PRKCA: variants seen among roughly 807,000 people sequenced by gnomAD.
PRKCA encodes the protein protein kinase C alpha type.
In PRKCA, 27 loss-of-function variants were observed where a neutral mutation model predicts 87.0. The observed-to-expected ratio is 0.31, with a 90% confidence interval of 0.23 to 0.43. The LOEUF is 0.43. Among genes scored for constraint, PRKCA ranks in the 20% least tolerant of loss-of-function variants. PRKCA has a pLI of 1.00. For missense variants in PRKCA, 518 were observed against 852.3 expected (o/e 0.61, Z 4.88); for synonymous variants, 329 against 311.1 (o/e 1.06, Z -0.61).
chr17:66,697,089 C>T (rs1454127580), intron 8 of PRKCA, among the ~76,000 whole-genome samples: 1 of 152,194 alleles, frequency 6.6e-6, no homozygotes, highest in African/African-American at 2.4e-5. Flanking sequence ...GTCGAGAAAG[C>T]CTTGGAAATT....
chr17:66,455,529 A>T (rs568419944), intron 2 of PRKCA, among the ~76,000 whole-genome samples: 1 of 152,370 alleles, frequency 6.6e-6, no homozygotes, highest in East Asian at 1.9e-4. Context: ...TCTAAGGATT[A>T]TCTTCATCTC....
intron 3 of PRKCA, among the ~76,000 whole-genome samples, chr17:66,607,589 A>G (rs1056303268): frequency 6.6e-6 from 1 of 152,202 alleles, no homozygotes; most frequent in African/African-American, 2.4e-5. Flanking sequence ...CAAACTAAGA[A>G]AGTTAATTTT....
intron 3 of PRKCA, among the ~76,000 whole-genome samples, chr17:66,534,730 A>G (rs1433754105): frequency 1.3e-5 from 2 of 152,144 alleles, no homozygotes; most frequent in Non-Finnish European, 2.9e-5. Context: ...AATGTATTTG[A>G]GTAATAAACT....
intron 2 of PRKCA, among the ~76,000 whole-genome samples, chr17:66,413,532 C>T (rs905953927): frequency 6.6e-6 from 1 of 152,172 alleles, no homozygotes; most frequent in Non-Finnish European, 1.5e-5. Context: ...AGATGATTTT[C>T]CTGGCAACCA....
At chr17:66,800,453 G>A (rs181507099) in intron 16 of PRKCA, among the ~76,000 whole-genome samples, 93 of 152,308 alleles carry the variant, frequency 6.1e-4, no homozygotes, top group African/African-American at 2.1e-3. Context: ...TTAGCTTTTT[G>A]AGCAGTGGGC....
intron 16 of PRKCA, among the ~76,000 whole-genome samples, chr17:66,790,618 C>A (rs1450984199): frequency 6.6e-6 from 1 of 152,126 alleles, no homozygotes; most frequent in South Asian, 2.1e-4. Context: ...AGCTTAGTTT[C>A]TTTATAGGAA....
At chr17:66,351,602 G>A (rs908944115) in intron 2 of PRKCA, among the ~76,000 whole-genome samples, 1 of 152,212 alleles carries the variant, frequency 6.6e-6, no homozygotes, top group African/African-American at 2.4e-5. Context: ...AGTATGTGCT[G>A]CTAAAGAAAT....
intron 2 of PRKCA, among the ~76,000 whole-genome samples, chr17:66,491,493 T>C (rs1326976635): frequency 6.6e-6 from 1 of 152,224 alleles, no homozygotes; most frequent in Non-Finnish European, 1.5e-5. Flanking sequence ...GCCTTCCTTC[T>C]ACCAAGGTCA....
intron 2 of PRKCA, among the ~76,000 whole-genome samples, chr17:66,432,311 G>A (rs1043154419): frequency 4.6e-5 from 7 of 152,136 alleles, no homozygotes; most frequent in Non-Finnish European, 7.4e-5. Flanking sequence ...TCAGAAGCCC[G>A]TGTACTGGTT....
chr17:66,766,024 C>A (rs72838622), intron 13 of PRKCA, among the ~76,000 whole-genome samples: 9 of 152,270 alleles, frequency 5.9e-5, no homozygotes, highest in Admixed American at 2.6e-4. Context: ...GATTCTAAAC[C>A]CCATCCTATT....
intron 2 of PRKCA, among the ~76,000 whole-genome samples, chr17:66,312,463 A>G (rs1477253076): frequency 1.3e-5 from 2 of 152,166 alleles, no homozygotes; most frequent in Non-Finnish European, 2.9e-5. Flanking sequence ...CAGCTGCCCT[A>G]TCAGGATAAG....
chr17:66,653,850 A>T (rs1358601685), intron 5 of PRKCA, among the ~76,000 whole-genome samples: 1 of 151,632 alleles, frequency 6.6e-6, no homozygotes, highest in Non-Finnish European at 1.5e-5. Context: ...ATGAGAAACT[A>T]CTTCCTTTAG....
intron 8 of PRKCA, among the ~76,000 whole-genome samples, chr17:66,710,077 T>C (rs976735928): frequency 1.3e-5 from 2 of 152,312 alleles, no homozygotes; most frequent in East Asian, 3.9e-4. Flanking sequence ...GTGAGACCAC[T>C]TTCAGACATG....
chr17:66,562,490 C>G (rs1567900172), intron 3 of PRKCA, among the ~76,000 whole-genome samples: 1 of 151,980 alleles, frequency 6.6e-6, no homozygotes, highest in Non-Finnish European at 1.5e-5. Flanking sequence ...AGGACACAGA[C>G]ATTTTTCTAG....
At chr17:66,782,789 C>A (rs1460443946) in intron 14 of PRKCA, among the ~76,000 whole-genome samples, 1 of 152,216 alleles carries the variant, frequency 6.6e-6, no homozygotes, top group Non-Finnish European at 1.5e-5. Context: ...TCACCCCTAC[C>A]AGGAGCAGTG....
Position 66,340,682 on chromosome 17 carries a change from A to G in PRKCA, c.205+34555A>G, listed in dbSNP as rs182100799. On this transcript the variant is annotated intron_variant, in intron 2 of 16. Transcript: ENST00000413366. The stretch of plus-strand genomic sequence containing the variant: ...ATGTAGAGCAAAGGAAAATGTCACA[A>G]TTGGATGCTGTTGTGTTCTAAGCAA... Among the ~76,000 whole-genome samples, 814 of 152,276 alleles carry G rather than the reference A, an allele frequency of 5.3e-3. 9 individuals are homozygous for G. The highest frequency in any genetic ancestry group is 6.5e-3 in the Non-Finnish European group (442 of 68,014).
chr17:66,739,270 G>A (rs1974104262), intron 11 of PRKCA, among the ~76,000 whole-genome samples: 2 of 152,210 alleles, frequency 1.3e-5, no homozygotes, highest in South Asian at 4.1e-4. Context: ...AAACATGGGA[G>A]GCGGAGGGCA....
chr17:66,669,972 A>G (rs987569077), intron 5 of PRKCA, among the ~76,000 whole-genome samples: 3 of 152,238 alleles, frequency 2.0e-5, no homozygotes, highest in African/African-American at 7.2e-5. Context: ...CAGAATATAT[A>G]GGTGACCTAC....
At chr17:66,604,802 A>G (rs1970161078) in intron 3 of PRKCA, among the ~76,000 whole-genome samples, 1 of 152,136 alleles carries the variant, frequency 6.6e-6, no homozygotes, top group Non-Finnish European at 1.5e-5. Context: ...GCAAAGTAAA[A>G]TTTTTACAAT....
Sources: gnomAD v4.1 joint callset for allele counts (sites outside exome capture counted in the v4.1 genomes callset) on GRCh38, gnomAD v4.1.1 for gene constraint, MANE v1.5 for transcripts, NCBI Gene and HGNC (gene_info 2026-07-23, HGNC 2026-07-21) for gene names.